The following ISLR2 variants were observed in gnomAD, a reference collection of about 807,000 sequenced individuals.
ISLR2 encodes the protein immunoglobulin superfamily containing leucine-rich repeat protein 2.
In ISLR2, 16 loss-of-function variants were observed where a neutral mutation model predicts 25.5. The ratio of observed to expected loss-of-function variants is 0.63; its 90% confidence interval spans 0.43 to 0.95. The LOEUF (loss-of-function observed/expected upper bound fraction) is 0.95, where lower values mean the gene tolerates loss of function less well. Among genes scored for constraint, ISLR2 ranks in the 40% least tolerant of loss-of-function variants. The probability of loss-of-function intolerance (pLI) is 0.00; values close to 1 mark genes in which losing one functional copy is unlikely to be tolerated. For synonymous variants in ISLR2, 508 were observed against 486.6 expected, an observed-to-expected ratio of 1.04 and a Z score of -0.58; for missense variants, 883 against 1,030.7, an observed-to-expected ratio of 0.86 and a Z score of 1.96.
Position 74,132,644 on chromosome 15 carries a change from G to A in ISLR2, c.-8-103G>A. The A allele has an allele frequency of 6.9e-7, 1 of 1,443,540 alleles. No homozygotes were observed. The highest frequency in any genetic ancestry group is 9.2e-7 in the Non-Finnish European group (1 of 1,091,962). The allele number at this position is 1,443,540 out of a possible 1,614,324, so 89.4% of individuals were successfully genotyped here. A position where few individuals can be genotyped will look rare whatever the true frequency, so the allele number is the denominator to read the frequency against. On this transcript the variant is annotated intron_variant, in intron 2 of 2. Transcript: ENST00000453268. This position sits in a 1 kb window ranked among gnomAD's most constrained non-coding sequence, Gnocchi z 4.3. Reference sequence around the variant, plus strand: ...CATAGAGGAGGTTACCGGAGCCCTGGAACTAGTGCTAAACGGGCTTGCGGA... The same window carrying A: ...CATAGAGGAGGTTACCGGAGCCCTGAAACTAGTGCTAAACGGGCTTGCGGA...
chr15:74,111,434 C>T (rs1279138920), intron 2 of ISLR2, among the ~76,000 whole-genome samples: 2 of 151,904 alleles, frequency 1.3e-5, no homozygotes, highest in African/African-American at 2.4e-5. Flanking sequence ...GGAGTACAGG[C>T]GTGCACCATC....
At position 74,134,296 on chromosome 15, in the gene ISLR2, C is replaced by A. The variant is rs773990160; in HGVS notation, c.1542C>A (p.Gly514=). The change falls in exon 3 of 3, where the codon GGC becomes GGA. Residue 514 remains glycine, a synonymous_variant. Transcript: ENST00000453268. ...CTGCGCGCTGGGGCCCTGGGCCCGG[C>A]GGGGCTGGCGGAGCCCCGCGACCCG... The part of the protein sequence containing the change: ...PLAARWGPGP[G]GAGGAPRPGR... 2 of 1,526,444 alleles carry A rather than the reference C, an allele frequency of 1.3e-6. No homozygotes were observed. Among genetic ancestry groups the A allele is most frequent in the Non-Finnish European group, 1.8e-6 (2 of 1,139,386 alleles). 94.6% of individuals were successfully genotyped at this position (1,526,444 alleles called of 1,614,324 possible).
At chr15:74,125,701 C>T (rs2072289531), upstream of ISLR2, among the ~76,000 whole-genome samples, 1 of 152,216 alleles carries the variant, frequency 6.6e-6, no homozygotes, top group South Asian at 2.1e-4. Context: ...AAGCTAATTT[C>T]ATGAAAATGC....
At chr15:74,111,630 T>TGAGACA (rs1411434656) in intron 2 of ISLR2, among the ~76,000 whole-genome samples, 1 of 151,918 alleles carries the variant, frequency 6.6e-6, no homozygotes, top group Non-Finnish European at 1.5e-5. Flanking sequence ...ATTCATTCTT[T>TGAGACA]GAGACAGAGT....
At chr15:74,124,722 G>C (rs574665613), upstream of ISLR2, among the ~76,000 whole-genome samples, 1 of 152,112 alleles carries the variant, frequency 6.6e-6, no homozygotes, top group African/African-American at 2.4e-5. Flanking sequence ...TTGTGCCACC[G>C]CACTTCAGCC....
Position 74,134,609 on chromosome 15 carries a change from A to C in ISLR2, c.1855A>C (p.Lys619Gln). 1 of 1,614,034 alleles carries C rather than the reference A, an allele frequency of 6.2e-7. No homozygotes were observed. The highest frequency in any genetic ancestry group is 1.1e-5 in the South Asian group (1 of 91,088). ...LGAACCHLLA[K>Q]HPGKPYRLIL... ...CGCCGCCTGCTGCCATCTGCTGGCT[A>C]AACACCCGGGCAAGCCCTACCGTCT... is the stretch of plus-strand genomic sequence containing the variant. Residue 619 changes from lysine (K) to glutamine (Q), a missense_variant, in exon 3 of 3, where the codon AAA (lysine) becomes CAA (glutamine). Coordinates refer to ENST00000453268, the MANE Select transcript of ISLR2 (RefSeq NM_020851.3).
chr15:74,108,756 C>G (rs568534322), intron 2 of ISLR2, among the ~76,000 whole-genome samples: 2 of 152,354 alleles, frequency 1.3e-5, no homozygotes, highest in South Asian at 4.1e-4. Context: ...TAGAGACAGA[C>G]AGGTGGACTC....
At chr15:74,126,345 G>GTTTTTTTTTTTTTTTTT (rs1228122616), upstream of ISLR2, 1 of 139,972 alleles carries the variant, frequency 7.1e-6, no homozygotes, top group African/African-American at 2.9e-5. Context: ...AAAAGCATAG[G>GTTTTTTTTTTTTTTTTT]TATTTTTTTT....
Position 74,132,537 on chromosome 15 carries a change from A to G in ISLR2, c.-8-210A>G, listed in dbSNP as rs1021264494. Among the ~76,000 whole-genome samples the G allele has an allele frequency of 6.6e-6, 1 of 152,188 alleles. No individual in the cohort carries two copies. Among genetic ancestry groups the G allele is most frequent in the Non-Finnish European group, 1.5e-5 (1 of 68,030 alleles). ...AAAGGGCGATATACCGGGCCGCTGG[A>G]AAAGGAAATTAGGGCCCTGGGAGGG... On this transcript the variant is annotated intron_variant, in intron 2 of 2. Transcript: ENST00000453268. The surrounding 1 kb of genome is among the most constrained non-coding windows in gnomAD (Gnocchi z 4.3).
intron 1 of ISLR2, among the ~76,000 whole-genome samples, chr15:74,102,041 C>G (rs1391549062): frequency 2.0e-5 from 3 of 150,236 alleles, no homozygotes; most frequent in Non-Finnish European, 2.9e-5. Context: ...ATGGCAAAAC[C>G]CGTCTCTACT....
chr15:74,115,122 G>T (rs1444598650), intron 2 of ISLR2, among the ~76,000 whole-genome samples: 1 of 152,204 alleles, frequency 6.6e-6, no homozygotes, highest in East Asian at 1.9e-4. Context: ...AGGCTAGAGA[G>T]AATTCATATT....
chr15:74,108,169 G>A (rs1187479666), intron 2 of ISLR2, among the ~76,000 whole-genome samples: 4 of 152,152 alleles, frequency 2.6e-5, no homozygotes, highest in Admixed American at 2.0e-4. Context: ...GGACGCTAGA[G>A]TTAACTGAGG....
intron 2 of ISLR2, among the ~76,000 whole-genome samples, chr15:74,107,559 C>T (rs1052664613): frequency 2.6e-5 from 4 of 152,144 alleles, no homozygotes; most frequent in Non-Finnish European, 5.9e-5. Context: ...CTGGGCACTC[C>T]AGCTCTGCCT....
At position 74,133,866 on chromosome 15, in the gene ISLR2, C is replaced by T. The variant is rs1357011999; in HGVS notation, c.1112C>T (p.Ala371Val). 6.2e-7 allele frequency: 1 copy of T among 1,611,956 alleles called. No homozygotes were observed. Among genetic ancestry groups the T allele is most frequent in the Non-Finnish European group, 8.5e-7 (1 of 1,179,390 alleles). ...LGANSTSIRVAVAATGPPKHA... is the reference protein window; with the variant it reads ...LGANSTSIRVVVAATGPPKHA... The stretch of plus-strand genomic sequence containing the variant: ...GCCAACTCTACGTCAATACGCGTGG[C>T]GGTGGCAGCAACCGGGCCCCCAAAA... Residue 371 changes from alanine (A) to valine (V), a missense_variant, in exon 3 of 3, where the codon GCG becomes GTG. Ala to Val is a moderately conservative substitution (Grantham distance 64). Around this residue, in one of 2 missense-constraint regions of ISLR2, gnomAD observed 612 missense variants for 642.8 expected, o/e 0.95. Transcript: ENST00000453268.
At chr15:74,129,043 A>G (rs770985044), upstream of ISLR2, 14 of 456,296 alleles carry the variant, frequency 3.1e-5, no homozygotes, top group South Asian at 2.0e-4. The surrounding 1 kb of genome is among the most constrained non-coding windows in gnomAD (Gnocchi z 4.5). Context: ...TCACCCCTCG[A>G]CCATTTTCGA....
chr15:74,121,745 G>C (rs1244832489), intron 2 of ISLR2, among the ~76,000 whole-genome samples: 2 of 152,166 alleles, frequency 1.3e-5, no homozygotes, highest in African/African-American at 4.8e-5. Context: ...ATTTGAACTG[G>C]CCTTGCCTGG....
At chr15:74,105,625 G>A (rs1342276153) in intron 2 of ISLR2, among the ~76,000 whole-genome samples, 2 of 146,828 alleles carry the variant, frequency 1.4e-5, no homozygotes, top group African/African-American at 5.1e-5. Context: ...TGTCAGCTGA[G>A]AACATTCAGC....
chr15:74,107,547 C>T (rs1218674374), intron 2 of ISLR2, among the ~76,000 whole-genome samples: 1 of 152,180 alleles, frequency 6.6e-6, no homozygotes. Flanking sequence ...GGACCCCAGG[C>T]TCTGGGCACT....
downstream of ISLR2, among the ~76,000 whole-genome samples, chr15:74,140,868 C>T (rs1057496353): frequency 6.6e-6 from 1 of 152,126 alleles, no homozygotes; most frequent in African/African-American, 2.4e-5. Flanking sequence ...TAGAGAATAA[C>T]ATTATATTGA....
Sources: gnomAD v4.1 joint callset for allele counts (sites outside exome capture counted in the v4.1 genomes callset) on GRCh38, gnomAD v4.1.1 for gene constraint, gnomAD v4.1.1 regional missense constraint, Gnocchi (gnomAD v3.1) non-coding constraint, MANE v1.5 for transcripts, NCBI Gene and HGNC (gene_info 2026-07-23, HGNC 2026-07-21) for gene names.